ULBP1: variants seen among roughly 807,000 people sequenced by gnomAD.
ULBP1 encodes UL16-binding protein 1.
ULBP1 carries 28 observed loss-of-function variants against 25.3 expected under a neutral mutation model. That is an observed-to-expected ratio of 1.10 (90% CI 0.82 to 1.51). The LOEUF (loss-of-function observed/expected upper bound fraction) is 1.51, where lower values mean the gene tolerates loss of function less well. Ranked by LOEUF, ULBP1 falls within the 40% of genes most tolerant of loss-of-function variation. The pLI is 0.00. For synonymous variants in ULBP1, 129 were observed against 103.0 expected (o/e 1.25, Z -1.53); for missense variants, 348 against 290.9 (o/e 1.20, Z -1.43).
intron 3 of ULBP1, 110 bp downstream of exon 3, chr6:149,969,470 C>G (rs1434859719): frequency 6.8e-7 from 1 of 1,468,836 alleles, no homozygotes; most frequent in Non-Finnish European, 9.2e-7. Flanking sequence ...AACATGACCC[C>G]CTCATGGGGG....
chr6:149,969,492 G>A, intron 3 of ULBP1, 132 bp downstream of exon 3: 4 of 1,299,972 alleles, frequency 3.1e-6, no homozygotes, highest in South Asian at 2.8e-5. Flanking sequence ...CTCCTCCTGG[G>A]GGTCCTGGCA....
At chr6:149,971,284 TG>T (rs1779312757) in intron 4 of ULBP1, 84 bp from the exon 5 acceptor site, 1 of 933,802 alleles carries the variant, frequency 1.1e-6, no homozygotes, top group Non-Finnish European at 1.3e-6. Flanking sequence ...GGTTCCGAAA[TG>T]GGGAGGGCCT....
intron 4 of ULBP1, among the ~76,000 whole-genome samples, chr6:149,970,443 G>T (rs1779294289): frequency 6.6e-6 from 1 of 152,054 alleles, no homozygotes; most frequent in Non-Finnish European, 1.5e-5. Flanking sequence ...TTCCTATTCG[G>T]GATGGTGTGT....
rs901075095 is a variant in ULBP1 at position 149,971,379 on chromosome 6, A to G, written c.*33A>G. ...TCATCTTTTCTCAAGGTGGAAAGTG[A>G]TATCAAGAAGCCTCTGTTAGCCTGG... is the stretch of plus-strand genomic sequence containing the variant. On this transcript the variant is annotated 3_prime_UTR_variant, in exon 5 of 5. Transcript: ENST00000229708. 6.1e-6 allele frequency: 6 copies of G among 985,318 alleles called. No homozygotes were observed. Among genetic ancestry groups the G allele is most frequent in the African/African-American group, 5.2e-5 (3 of 57,202 alleles). 61.0% of individuals were successfully genotyped at this position (985,318 alleles called of 1,614,324 possible). A position where few individuals can be genotyped will look rare whatever the true frequency, so the allele number is the denominator to read the frequency against.
chr6:149,966,093 T>C (rs1471103919), intron 1 of ULBP1, among the ~76,000 whole-genome samples: 5 of 152,034 alleles, frequency 3.3e-5, no homozygotes, highest in African/African-American at 1.2e-4. Context: ...CAGGGTCATA[T>C]AGAATAGTCA....
At chr6:149,971,264 T>C (rs1349805626) in intron 4 of ULBP1, 105 bp from the exon 5 acceptor site, 1 of 804,714 alleles carries the variant, frequency 1.2e-6, no homozygotes, top group African/African-American at 1.9e-5. Context: ...TGTTTCTTAT[T>C]TGTGGGAGAG....
In ULBP1 at chr6:149,972,433, G is replaced by A. The variant is rs1429039531; in HGVS notation, c.*1087G>A. Reference sequence around the variant, plus strand: ...AATATAACCTAAGAAATACCAATGTGGACATAGGGCCTGGCAAAGATTTCA... The same window carrying A: ...AATATAACCTAAGAAATACCAATGTAGACATAGGGCCTGGCAAAGATTTCA... On this transcript the variant is annotated 3_prime_UTR_variant, in exon 5 of 5. Transcript: ENST00000229708. 1 of 152,034 alleles carries A rather than the reference G, an allele frequency of 6.6e-6. No homozygotes were observed. Among genetic ancestry groups the A allele is most frequent in the African/African-American group, 2.4e-5 (1 of 41,404 alleles). 9.4% of individuals were successfully genotyped at this position (152,034 alleles called of 1,614,324 possible).
At chr6:149,964,852 T>TCCCCGAACATCGCGGTCC (rs1256159948) in intron 1 of ULBP1, among the ~76,000 whole-genome samples, 18 of 91,136 alleles carry the variant, frequency 2.0e-4, no homozygotes, top group South Asian at 4.6e-4. Context: ...TAACGCGGTC[T>TCCCCGAACATCGCGGTCC]CCCCGAACAT....
At chr6:149,969,467 C>T (rs911554747) in intron 3 of ULBP1, 107 bp downstream of exon 3, 7 of 1,487,782 alleles carry the variant, frequency 4.7e-6, no homozygotes, top group African/African-American at 4.2e-5. Context: ...ATGAACATGA[C>T]CCCCTCATGG....
In ULBP1 at chr6:149,963,988, C is replaced by G; in HGVS notation, c.-62C>G. 1 of 1,558,960 alleles carries G rather than the reference C, an allele frequency of 6.4e-7. No homozygotes were observed. The highest frequency in any genetic ancestry group is 8.8e-7 in the Non-Finnish European group (1 of 1,135,172). On this transcript the variant is annotated 5_prime_UTR_variant, in exon 1 of 5. Coordinates refer to ENST00000229708, the MANE Select transcript of ULBP1 (RefSeq NM_025218.4). ...CCGGGCTGGGCAGCTTTATAAACAG[C>G]CGTGGTGTGAGCCTCGAAGGGAACC...
intron 1 of ULBP1, among the ~76,000 whole-genome samples, chr6:149,967,250 C>A (rs1779219817): frequency 6.6e-6 from 1 of 152,236 alleles, no homozygotes; most frequent in African/African-American, 2.4e-5. Context: ...CAAGTTAATG[C>A]TTTAGGTCCC....
At position 149,972,975 on chromosome 6, in the gene ULBP1, G is replaced by A. The variant is rs1582830047; in HGVS notation, c.*1629G>A. 1.3e-5 allele frequency: 2 copies of A among 152,082 alleles called. No homozygotes were observed. The highest frequency in any genetic ancestry group is 3.9e-4 in the East Asian group (2 of 5,190). The allele number at this position is 152,082 out of a possible 1,614,324, so 9.4% of individuals were successfully genotyped here. On this transcript the variant is annotated 3_prime_UTR_variant, in exon 5 of 5. Coordinates refer to ENST00000229708, the MANE Select transcript of ULBP1 (RefSeq NM_025218.4). ...ATTCAATCCCGCAATCCCACTACTC[G>A]GGATATACCCACAGGAAAAGAATTC...
rs1252704099 is a variant in ULBP1 at position 149,971,603 on chromosome 6, C to T, written c.*257C>T. 2 of 157,362 alleles carry T rather than the reference C, an allele frequency of 1.3e-5. No individual in the cohort carries two copies. Among genetic ancestry groups the T allele is most frequent in the Admixed American group, 6.5e-5 (1 of 15,292 alleles). 9.7% of individuals were successfully genotyped at this position (157,362 alleles called of 1,614,324 possible). Reference sequence around the variant, plus strand: ...TTTTCTTAACACCTTCTGCCACTTTCTGTCGGTGCTAATGGATGGAACTCC... The same window carrying T: ...TTTTCTTAACACCTTCTGCCACTTTTTGTCGGTGCTAATGGATGGAACTCC... On this transcript the variant is annotated 3_prime_UTR_variant, in exon 5 of 5. Coordinates refer to ENST00000229708, the MANE Select transcript of ULBP1 (RefSeq NM_025218.4).
Position 149,968,589 on chromosome 6 carries a change from T to C in ULBP1, c.86-18T>C. On this transcript the variant is annotated intron_variant, in intron 1 of 4. Coordinates refer to ENST00000229708, the MANE Select transcript of ULBP1 (RefSeq NM_025218.4). ...ATTTCCCCCCACACCAACCCCCTCC[T>C]GTGTTTTTCTTCCACAGACACACAC... 1 of 1,594,890 alleles carries C rather than the reference T, an allele frequency of 6.3e-7. No homozygotes were observed.
intron 4 of ULBP1, 39 bp from the exon 5 acceptor site, chr6:149,971,330 T>C (rs1284944667): frequency 3.2e-5 from 32 of 985,292 alleles, no homozygotes; most frequent in Middle Eastern, 5.2e-4. Flanking sequence ...ACCCAGGTTT[T>C]TCTCAGCCAC....
intron 1 of ULBP1, among the ~76,000 whole-genome samples, chr6:149,967,212 TA>T (rs1257668026): frequency 6.6e-6 from 1 of 152,254 alleles, no homozygotes; most frequent in Non-Finnish European, 1.5e-5. Flanking sequence ...TACTTTGCCC[TA>T]AATGCACCTC....
rs758145114 is a variant in ULBP1 at position 149,968,883 on chromosome 6, T to C, written c.349+13T>C. ...TTAATACCCATTGGTAAGTTTAAAA[T>C]GGCCCAGGGAGCAGACACAGTAGTA... is the stretch of plus-strand genomic sequence containing the variant. On this transcript the variant is annotated intron_variant, in intron 2 of 4. Coordinates refer to ENST00000229708, the MANE Select transcript of ULBP1 (RefSeq NM_025218.4). 1 of 1,611,092 alleles carries C rather than the reference T, an allele frequency of 6.2e-7. No individual in the cohort carries two copies. The highest frequency in any genetic ancestry group is 8.5e-7 in the Non-Finnish European group (1 of 1,178,364).
chr6:149,969,251 G>T lies in ULBP1; in HGVS notation c.516G>T (p.Trp172Cys). The T allele has an allele frequency of 6.2e-7, 1 of 1,614,258 alleles. No individual in the cohort carries two copies. Among genetic ancestry groups the T allele is most frequent in the Non-Finnish European group, 8.5e-7 (1 of 1,180,052 alleles). ...GAGCCAAGAAGATGACAGAGAAGTG[G>T]GAGAAGAACAGGGATGTGACCATGT... is the stretch of plus-strand genomic sequence containing the variant. The part of the protein sequence containing the change: ...HPGAKKMTEK[W>C]EKNRDVTMFF... Residue 172 changes from tryptophan (W) to cysteine (C), a missense_variant, in exon 3 of 5, where the codon TGG becomes TGT. Coordinates refer to ENST00000229708, the MANE Select transcript of ULBP1 (RefSeq NM_025218.4).
chr6:149,968,268 C>T (rs1486008919), intron 1 of ULBP1, among the ~76,000 whole-genome samples: 2 of 152,240 alleles, frequency 1.3e-5, no homozygotes, highest in Non-Finnish European at 2.9e-5. Flanking sequence ...ACATGGGCTG[C>T]TGCTGAGGGT....
Sources: allele counts gnomAD v4.1 joint callset (sites outside exome capture counted in the v4.1 genomes callset), GRCh38; gene constraint gnomAD v4.1.1; transcripts MANE v1.5; gene names NCBI Gene and HGNC (gene_info 2026-07-23, HGNC 2026-07-21).